Variants in ZNF599 observed in about 807,000 individuals in gnomAD.
ZNF599 encodes the protein zinc finger protein 599.
A neutral mutation model predicts 11.7 loss-of-function variants in ZNF599; 10 were observed. The ratio of observed to expected loss-of-function variants is 0.86; its 90% confidence interval spans 0.53 to 1.45. ZNF599 has a LOEUF of 1.45. ZNF599 is among the 40% of genes most tolerant of loss of function. ZNF599 has a pLI of 0.00. For missense variants in ZNF599, 688 were observed against 713.6 expected (o/e 0.96, Z 0.41); for synonymous variants, 232 against 253.2 (o/e 0.92, Z 0.79).
At chr19:34,772,433 C>T (rs910671255) in intron 1 of ZNF599, 1 of 1,055,174 alleles carries the variant, frequency 9.5e-7, no homozygotes, top group African/African-American at 1.7e-5. Flanking sequence ...CCTAGAGAGT[C>T]CTTCTTCAAA....
the ZNF599 span, among the ~76,000 whole-genome samples, chr19:34,799,022 G>A: frequency 6.6e-6 from 1 of 151,168 alleles, no homozygotes; most frequent in East Asian, 1.9e-4. Flanking sequence ...TTTTTTTTGA[G>A]ACAGGGTCTC....
At position 34,760,482 on chromosome 19, in the gene ZNF599, G is replaced by C; in HGVS notation, c.319C>G (p.Leu107Val). 9 of 1,614,122 alleles carry C rather than the reference G, an allele frequency of 5.6e-6. No homozygotes were observed. Among genetic ancestry groups the C allele is most frequent in the Non-Finnish European group, 7.6e-6 (9 of 1,180,006 alleles). Residue 107 changes from leucine to valine, a missense_variant, in exon 4 of 4, where the codon CTT (leucine) becomes GTT (valine). Leu to Val is a conservative substitution (Grantham distance 32, BLOSUM62 1). Coordinates refer to ENST00000329285, the MANE Select transcript of ZNF599 (RefSeq NM_001007248.3). ...AFSEESSFQE[L>V]LAQRSSRDSR... ...TCTCTTGAGGATCTCTGTGCCAGAAGTTCCTGGAAAGAGGATTCCTCAGAG... is the reference window on the plus strand; with the variant it reads ...TCTCTTGAGGATCTCTGTGCCAGAACTTCCTGGAAAGAGGATTCCTCAGAG...
chr19:34,791,426 C>G, the ZNF599 span, among the ~76,000 whole-genome samples: 34 of 152,126 alleles, frequency 2.2e-4, no homozygotes, highest in African/African-American at 8.2e-4. Context: ...CTGTGTGGAT[C>G]TTGAATGAGG....
chr19:34,782,711 C>T, the ZNF599 span, among the ~76,000 whole-genome samples: 1 of 152,192 alleles, frequency 6.6e-6, no homozygotes, highest in East Asian at 1.9e-4. Context: ...GAAACCAGCT[C>T]AGGTCACTAG....
Position 34,758,896 on chromosome 19 carries a change from T to G in ZNF599, c.*138A>C. ...TTCACAGGGACAATTCTGTTTCTAGTTAGTATAAATTATCAGATACTAAGA... is the reference window on the plus strand; with the variant it reads ...TTCACAGGGACAATTCTGTTTCTAGGTAGTATAAATTATCAGATACTAAGA... On this transcript the variant is annotated 3_prime_UTR_variant, in exon 4 of 4. Transcript: ENST00000329285. 1 of 784,146 alleles carries G rather than the reference T, an allele frequency of 1.3e-6. No homozygotes were observed. The highest frequency in any genetic ancestry group is 2.7e-5 in the East Asian group (1 of 37,722). The allele number at this position is 784,146 out of a possible 1,614,324, so 48.6% of individuals were successfully genotyped here. A position where few individuals can be genotyped will look rare whatever the true frequency, so the allele number is the denominator to read the frequency against.
the ZNF599 span, among the ~76,000 whole-genome samples, chr19:34,792,074 A>C: frequency 6.6e-6 from 1 of 152,142 alleles, no homozygotes; most frequent in Non-Finnish European, 1.5e-5. Flanking sequence ...AACAGCACAA[A>C]AACTATCCTT....
the ZNF599 span, among the ~76,000 whole-genome samples, chr19:34,778,549 A>G: frequency 1.6e-3 from 239 of 152,280 alleles, no homozygotes; most frequent in African/African-American, 5.4e-3. Flanking sequence ...TGCCAAAGTG[A>G]GAATATTTAC....
chr19:34,793,243 G>T, the ZNF599 span, among the ~76,000 whole-genome samples: 1 of 152,126 alleles, frequency 6.6e-6, no homozygotes, highest in African/African-American at 2.4e-5. Context: ...AAATGTTATT[G>T]TTCTCTTTGG....
chr19:34,761,285 G>T (rs1372873911), intron 3 of ZNF599, among the ~76,000 whole-genome samples: 1 of 151,970 alleles, frequency 6.6e-6, no homozygotes, highest in African/African-American at 2.4e-5. Flanking sequence ...CACAAAATAG[G>T]TAAGATCTAC....
At chr19:34,772,765 G>C (rs2069191954) in intron 1 of ZNF599, 59 bp downstream of exon 1, 25 of 1,534,888 alleles carry the variant, frequency 1.6e-5, no homozygotes, top group Non-Finnish European at 2.1e-5. Context: ...GTATTACAGC[G>C]GATGGGTGCA....
At chr19:34,767,287 T>G (rs1280996977) in intron 3 of ZNF599, 29 bp downstream of exon 3, 1 of 1,589,118 alleles carries the variant, frequency 6.3e-7, no homozygotes, top group Non-Finnish European at 8.6e-7. Flanking sequence ...GCTGCCCTGA[T>G]ACCCGCTGCC....
At chr19:34,798,547 AT>A in the ZNF599 span, among the ~76,000 whole-genome samples, 1 of 152,246 alleles carries the variant, frequency 6.6e-6, no homozygotes, top group African/African-American at 2.4e-5. Context: ...GTATACATGT[AT>A]AGCAGTATCA....
the ZNF599 span, among the ~76,000 whole-genome samples, chr19:34,804,782 G>A: frequency 6.6e-6 from 1 of 152,304 alleles, no homozygotes; most frequent in East Asian, 1.9e-4. Context: ...AGGACGAGGA[G>A]AAACCGAAAA....
the ZNF599 span, among the ~76,000 whole-genome samples, chr19:34,806,627 G>A: frequency 7.4e-6 from 1 of 134,292 alleles, no homozygotes; most frequent in Non-Finnish European, 1.6e-5. Flanking sequence ...TGGCTGACTG[G>A]AGTCTGCACA....
upstream of ZNF599, among the ~76,000 whole-genome samples, chr19:34,777,439 AT>A (rs2069225334): frequency 5.3e-5 from 5 of 94,888 alleles, no homozygotes; most frequent in South Asian, 1.3e-3. Flanking sequence ...ATAATATATG[AT>A]ATATATTAAT....
chr19:34,787,750 C>CCA, the ZNF599 span, among the ~76,000 whole-genome samples: 1 of 152,146 alleles, frequency 6.6e-6, no homozygotes, highest in Non-Finnish European at 1.5e-5. Context: ...CTTCAACAGC[C>CCA]CATTACTTGA....
intron 2 of ZNF599, 88 bp downstream of exon 2, chr19:34,769,341 T>C: frequency 6.3e-7 from 1 of 1,592,236 alleles, no homozygotes; most frequent in South Asian, 1.1e-5. Context: ...GAAGGTTGGG[T>C]TCTGAGGCTC....
At chr19:34,783,767 T>C in the ZNF599 span, among the ~76,000 whole-genome samples, 1 of 152,128 alleles carries the variant, frequency 6.6e-6, no homozygotes, top group South Asian at 2.1e-4. Context: ...ACAAAAGGGC[T>C]CAGTCTTCTT....
chr19:34,787,140 A>G, the ZNF599 span, among the ~76,000 whole-genome samples: 1 of 152,142 alleles, frequency 6.6e-6, no homozygotes, highest in Admixed American at 6.5e-5. Flanking sequence ...ATAACACCAC[A>G]TACCTCATGG....
Sources: allele counts gnomAD v4.1 joint callset (sites outside exome capture counted in the v4.1 genomes callset), GRCh38; gene constraint gnomAD v4.1.1; transcripts MANE v1.5; gene names NCBI Gene and HGNC (gene_info 2026-07-23, HGNC 2026-07-21).